The following PTPRN2 variants were observed in gnomAD, a reference collection of about 807,000 sequenced individuals.
PTPRN2 encodes the protein protein tyrosine phosphatase receptor type N2, also known as receptor-type tyrosine-protein phosphatase N2.
A neutral mutation model predicts 118.8 loss-of-function variants in PTPRN2; 74 were observed. The observed-to-expected ratio is 0.62, with a 90% CI of 0.52 to 0.76. PTPRN2 has a LOEUF of 0.76. Ranked by LOEUF, PTPRN2 falls within the 30% of genes least tolerant of loss-of-function variation. PTPRN2 has a pLI of 0.00. For missense variants in PTPRN2, 1,481 were observed against 1,394.4 expected, an observed-to-expected ratio of 1.06 and a Z score of -0.99; for synonymous variants, 641 against 608.0, an observed-to-expected ratio of 1.05 and a Z score of -0.80.
At chr7:158,344,379 G>A (rs1198992768) in intron 2 of PTPRN2, among the ~76,000 whole-genome samples, 3 of 152,188 alleles carry the variant, frequency 2.0e-5, no homozygotes, top group African/African-American at 7.2e-5. Context: ...CCAGTCGCAG[G>A]CAAGGGAGGC....
At chr7:158,146,718 C>T (rs1309554625) in intron 6 of PTPRN2, among the ~76,000 whole-genome samples, 1 of 137,416 alleles carries the variant, frequency 7.3e-6, no homozygotes, top group African/African-American at 2.8e-5. Flanking sequence ...GAGACTCTGC[C>T]TCAAAAAAAA....
chr7:158,114,855 A>G (rs1417486235), intron 9 of PTPRN2, among the ~76,000 whole-genome samples: 2 of 152,186 alleles, frequency 1.3e-5, no homozygotes, highest in African/African-American at 2.4e-5. Context: ...GGATGGAAAC[A>G]GCAAGCAAAT....
At chr7:158,075,632 C>A (rs1334903545) in intron 11 of PTPRN2, among the ~76,000 whole-genome samples, 1 of 152,214 alleles carries the variant, frequency 6.6e-6, no homozygotes, top group Non-Finnish European at 1.5e-5. Context: ...CTTAGAGGCT[C>A]CTCTTTTTAG....
At chr7:157,798,841 G>A (rs1805042543) in intron 12 of PTPRN2, among the ~76,000 whole-genome samples, 1 of 151,370 alleles carries the variant, frequency 6.6e-6, no homozygotes, top group South Asian at 2.1e-4. Flanking sequence ...GTGGGGCAGG[G>A]TGGGCGTCCC....
chr7:158,505,303 C>T lies in PTPRN2; in HGVS notation c.113-15518G>A, dbSNP rs115988559. ...GGCCATGCTTTGGGACCTGCTGATG[C>T]GATTTGCTGCCACCTCCAGAACCAC... is the stretch of plus-strand genomic sequence containing the variant. On this transcript the variant is annotated intron_variant, in intron 1 of 22. Coordinates refer to ENST00000389418, the MANE Select transcript of PTPRN2 (RefSeq NM_002847.5). 7.6e-3 allele frequency among the ~76,000 whole-genome samples: 1,156 copies of T among 152,338 alleles called. 14 individuals carry two copies. Among genetic ancestry groups the T allele is most frequent in the African/African-American group, 0.025 (1,052 of 41,574 alleles).
chr7:158,531,611 A>T (rs1409026380), intron 1 of PTPRN2, among the ~76,000 whole-genome samples: 2 of 152,238 alleles, frequency 1.3e-5, no homozygotes, highest in Non-Finnish European at 2.9e-5. Context: ...AGCCTCCTGG[A>T]AGGCAGCAGA....
chr7:158,143,426 G>A (rs1040103318), intron 6 of PTPRN2, among the ~76,000 whole-genome samples: 9 of 152,330 alleles, frequency 5.9e-5, no homozygotes, highest in South Asian at 2.1e-4. Context: ...GGCGTCCTCC[G>A]TGCTTAGGAG....
chr7:158,070,593 CTGTGGTGGAGGTGCT>C (rs1811221651), intron 11 of PTPRN2, among the ~76,000 whole-genome samples: 6 of 39,184 alleles, frequency 1.5e-4, no homozygotes, highest in Admixed American at 3.0e-4. Flanking sequence ...GTGGAGGTGC[CTGTGGTGGAGGTGCT>C]CCTGGTGGTG....
In PTPRN2 at chr7:158,003,792, CGCCAAG is replaced by C. The variant is rs1805457891; in HGVS notation, c.1723+77500_1723+77505del. On this transcript the variant is annotated intron_variant, in intron 11 of 22. Transcript: ENST00000389418. This position sits in a 1 kb window ranked among gnomAD's most constrained non-coding sequence, Gnocchi z 5.0. ...ATGGGCTTGGCGGCACCTCCCAACA[CGCCAAG>C]GCCAGTGGTAAAACGGGCCTCTGCT... 6.6e-6 allele frequency among the ~76,000 whole-genome samples: 1 copy of C among 152,148 alleles called. No homozygotes were observed. Among genetic ancestry groups the C allele is most frequent in the South Asian group, 2.1e-4 (1 of 4,822 alleles).
intron 9 of PTPRN2, among the ~76,000 whole-genome samples, chr7:158,123,206 A>G (rs1352642229): frequency 4.6e-5 from 7 of 152,258 alleles, no homozygotes; most frequent in Non-Finnish European, 1.0e-4. Flanking sequence ...AAAACAAACC[A>G]TGAAATTTAT....
At chr7:157,859,606 GCC>G (rs1324024040) in intron 12 of PTPRN2, among the ~76,000 whole-genome samples, 1 of 47,778 alleles carries the variant, frequency 2.1e-5, no homozygotes, top group Non-Finnish European at 3.9e-5. Flanking sequence ...TGCAGGGAGA[GCC>G]CCCCAGCCAC....
intron 15 of PTPRN2, 114 bp from the exon 16 acceptor site, chr7:157,604,189 C>T (rs1367752139): frequency 5.6e-6 from 5 of 899,936 alleles, no homozygotes; most frequent in Middle Eastern, 3.1e-4. Context: ...GCCCAGCCTC[C>T]AGGGTCCATC....
At position 157,674,661 on chromosome 7, in the gene PTPRN2, A is replaced by G. The variant is rs1796577386; in HGVS notation, c.2001+8064T>C. ...CATTCTCTCTCGTGCCCATCAAGGC[A>G]GAGGCTGAGAAGAAGGTCTGCTTTA... On this transcript the variant is annotated intron_variant, in intron 13 of 22. Coordinates refer to ENST00000389418, the MANE Select transcript of PTPRN2 (RefSeq NM_002847.5). The surrounding 1 kb of genome is among the most constrained non-coding windows in gnomAD (Gnocchi z 4.5). Among the ~76,000 whole-genome samples the G allele has an allele frequency of 6.6e-6, 1 of 152,240 alleles. No individual in the cohort carries two copies. Among genetic ancestry groups the G allele is most frequent in the African/African-American group, 2.4e-5 (1 of 41,462 alleles).
chr7:157,800,807 C>A (rs1025532497), intron 12 of PTPRN2, among the ~76,000 whole-genome samples: 12 of 151,808 alleles, frequency 7.9e-5, no homozygotes, highest in Admixed American at 3.3e-4. Flanking sequence ...AAAAAACCAG[C>A]CGGGTGTGGT....
At chr7:158,564,813 G>T (rs1827579301) in intron 1 of PTPRN2, among the ~76,000 whole-genome samples, 1 of 152,252 alleles carries the variant, frequency 6.6e-6, no homozygotes, top group African/African-American at 2.4e-5. Context: ...CTCAGCCCAG[G>T]AAATGGCTCT....
At chr7:158,152,330 G>A (rs1479478505) in intron 6 of PTPRN2, among the ~76,000 whole-genome samples, 2 of 152,222 alleles carry the variant, frequency 1.3e-5, no homozygotes, top group Non-Finnish European at 2.9e-5. Context: ...AGTTTCAGCA[G>A]AGGCCTGAGG....
chr7:158,239,110 G>A (rs1795749466), intron 3 of PTPRN2, among the ~76,000 whole-genome samples: 1 of 152,172 alleles, frequency 6.6e-6, no homozygotes, highest in East Asian at 1.9e-4. Flanking sequence ...CCCGGGGTGG[G>A]GGCCACCACC....
At chr7:157,555,845 G>T (rs964215255) in intron 21 of PTPRN2, among the ~76,000 whole-genome samples, 1 of 152,234 alleles carries the variant, frequency 6.6e-6, no homozygotes, top group African/African-American at 2.4e-5. Flanking sequence ...GACGAATGGT[G>T]ATTATTAAGA....
intron 12 of PTPRN2, among the ~76,000 whole-genome samples, chr7:157,708,652 T>C (rs1638764): frequency 0.84 from 127,046 of 152,034 alleles, 53,663 homozygotes; most frequent in African/African-American, 0.95. Flanking sequence ...AAACCACACA[T>C]GCATAGTCAC....
Sources: allele counts gnomAD v4.1 joint callset (sites outside exome capture counted in the v4.1 genomes callset), GRCh38; gene constraint gnomAD v4.1.1; non-coding constraint Gnocchi (gnomAD v3.1); transcripts MANE v1.5; gene names NCBI Gene and HGNC (gene_info 2026-07-23, HGNC 2026-07-21).